Variants in MYO16 observed in about 807,000 individuals in gnomAD.
MYO16 encodes the protein unconventional myosin-XVI.
MYO16 carries 94 observed loss-of-function variants against 205.3 expected under a neutral mutation model. The ratio of observed to expected loss-of-function variants is 0.46; its 90% confidence interval spans 0.39 to 0.54. The LOEUF (loss-of-function observed/expected upper bound fraction) is 0.54. Ranked by LOEUF, MYO16 falls within the 20% of genes least tolerant of loss-of-function variation. The pLI is 0.00. For missense variants in MYO16, 2,315 were observed against 2,387.5 expected (o/e 0.97, Z 0.63); for synonymous variants, 988 against 954.0 (o/e 1.04, Z -0.66).
intron 8 of MYO16, among the ~76,000 whole-genome samples, chr13:108,822,423 G>A (rs963948616): frequency 5.9e-5 from 9 of 152,112 alleles, no homozygotes; most frequent in African/African-American, 2.2e-4. Context: ...TTGAGAAGAA[G>A]CAGCTGCCTC....
the MYO16 span, among the ~76,000 whole-genome samples, chr13:108,499,573 G>T: frequency 6.6e-6 from 1 of 152,268 alleles, no homozygotes; most frequent in East Asian, 1.9e-4. Context: ...AATCTGCAAA[G>T]ATTTTCTTAC....
chr13:108,704,023 T>G (rs565710105), intron 2 of MYO16, among the ~76,000 whole-genome samples: 494 of 152,252 alleles, frequency 3.2e-3, no homozygotes, highest in Non-Finnish European at 5.4e-3. Flanking sequence ...GACACAGTGA[T>G]GACACAGTGA....
intron 9 of MYO16, among the ~76,000 whole-genome samples, chr13:108,826,562 C>G (rs958515566): frequency 2.0e-5 from 3 of 151,506 alleles, no homozygotes; most frequent in Admixed American, 1.3e-4. Flanking sequence ...AATAGATAAA[C>G]TAAAGATTTT....
intron 14 of MYO16, among the ~76,000 whole-genome samples, chr13:108,890,960 T>G (rs893029698): frequency 3.9e-5 from 6 of 152,224 alleles, no homozygotes; most frequent in Non-Finnish European, 7.3e-5. Context: ...ATTTGCTTTC[T>G]CACTCCACAA....
At chr13:109,146,802 A>G (rs1877354654) in intron 32 of MYO16, among the ~76,000 whole-genome samples, 1 of 152,084 alleles carries the variant, frequency 6.6e-6, no homozygotes, top group South Asian at 2.1e-4. Flanking sequence ...CCCAGAAAGA[A>G]AGAAAGAAGA....
At chr13:108,858,290 CA>C (rs757077327) in intron 11 of MYO16, among the ~76,000 whole-genome samples, 18 of 152,288 alleles carry the variant, frequency 1.2e-4, no homozygotes, top group Non-Finnish European at 2.2e-4. Flanking sequence ...TTATGTTTTA[CA>C]AAGGTATCAG....
intron 1 of MYO16, among the ~76,000 whole-genome samples, chr13:108,599,541 A>G (rs917317253): frequency 1.3e-5 from 2 of 152,200 alleles, no homozygotes; most frequent in Non-Finnish European, 2.9e-5. Context: ...AGTATCAGTC[A>G]TAGGTCACAG....
chr13:109,199,445 G>A (rs962358315), intron 34 of MYO16, among the ~76,000 whole-genome samples: 4 of 151,624 alleles, frequency 2.6e-5, no homozygotes, highest in African/African-American at 9.7e-5. Context: ...TTGCCTTCTG[G>A]TTCTAAAAGA....
chr13:108,913,392 A>C (rs561964305), intron 16 of MYO16, among the ~76,000 whole-genome samples: 2 of 152,322 alleles, frequency 1.3e-5, no homozygotes, highest in East Asian at 3.9e-4. Flanking sequence ...AGGTCTTCTC[A>C]CATTTATAAT....
At chr13:109,111,101 G>A (rs1200523134) in intron 28 of MYO16, among the ~76,000 whole-genome samples, 2 of 152,184 alleles carry the variant, frequency 1.3e-5, no homozygotes, top group African/African-American at 4.8e-5. Context: ...GCAACTGAGT[G>A]TTATGAGAAA....
At chr13:108,977,964 A>G (rs893317618) in intron 20 of MYO16, among the ~76,000 whole-genome samples, 1 of 152,050 alleles carries the variant, frequency 6.6e-6, no homozygotes, top group Non-Finnish European at 1.5e-5. Context: ...TCTTCCGCAA[A>G]TATATTTCAA....
At chr13:109,032,723 A>G (rs1213598541) in intron 23 of MYO16, among the ~76,000 whole-genome samples, 1 of 152,222 alleles carries the variant, frequency 6.6e-6, no homozygotes, top group Non-Finnish European at 1.5e-5. Flanking sequence ...ACACACATGC[A>G]TATTAGCCAT....
the MYO16 span, among the ~76,000 whole-genome samples, chr13:108,550,196 C>T: frequency 0.017 from 2,533 of 152,354 alleles, 56 homozygotes; most frequent in South Asian, 0.087. Context: ...ATCTGCTCTT[C>T]GACACAGCTG....
intron 4 of MYO16, among the ~76,000 whole-genome samples, chr13:108,739,711 GATA>G (rs1884833702): frequency 6.6e-6 from 1 of 152,142 alleles, no homozygotes; most frequent in Non-Finnish European, 1.5e-5. Flanking sequence ...AGTTCTTCTG[GATA>G]ATATCCTGCA....
intron 24 of MYO16, 149 bp from the exon 25 acceptor site, chr13:109,052,151 C>A (rs1887264985): frequency 3.1e-6 from 2 of 649,714 alleles, no homozygotes; most frequent in Admixed American, 2.9e-5. Flanking sequence ...AATAAGGATA[C>A]AGGAAAAGGT....
At chr13:109,189,855 T>C (rs914336168) in intron 34 of MYO16, among the ~76,000 whole-genome samples, 1 of 152,222 alleles carries the variant, frequency 6.6e-6, no homozygotes, top group Non-Finnish European at 1.5e-5. Context: ...TTTCTTTACC[T>C]GAGCATGCCA....
chr13:108,633,712 T>C (rs1250258423), intron 1 of MYO16, among the ~76,000 whole-genome samples: 2 of 152,220 alleles, frequency 1.3e-5, no homozygotes, highest in African/African-American at 4.8e-5. Flanking sequence ...TAAACATGTT[T>C]TATGATACCA....
At chr13:108,726,410 T>A (rs1434182834) in intron 3 of MYO16, among the ~76,000 whole-genome samples, 3 of 151,668 alleles carry the variant, frequency 2.0e-5, no homozygotes, top group African/African-American at 7.3e-5. Context: ...AATACAAAAA[T>A]TAGCTGGGTG....
chr13:108,917,167 G>C (rs1387811575), intron 16 of MYO16, among the ~76,000 whole-genome samples: 1 of 152,152 alleles, frequency 6.6e-6, no homozygotes, highest in Non-Finnish European at 1.5e-5. Context: ...AAGAGAACGT[G>C]ACCACGTGCT....
Sources: gnomAD v4.1 joint callset for allele counts (sites outside exome capture counted in the v4.1 genomes callset) on GRCh38, gnomAD v4.1.1 for gene constraint, MANE v1.5 for transcripts, NCBI Gene and HGNC (gene_info 2026-07-23, HGNC 2026-07-21) for gene names.